ARHGEF9: variants seen among roughly 807,000 people sequenced by gnomAD.
ARHGEF9 encodes the protein Cdc42 guanine nucleotide exchange factor 9, also known as rho guanine nucleotide exchange factor 9.
Under a neutral mutation model 41.3 loss-of-function variants are expected in ARHGEF9, and 2 were observed. The observed-to-expected ratio is 0.05, with a 90% CI of 0.02 to 0.15. The LOEUF (loss-of-function observed/expected upper bound fraction) is 0.15, where lower values mean the gene tolerates loss of function less well. Among genes scored for constraint, ARHGEF9 ranks in the 10% least tolerant of loss-of-function variants. The probability of loss-of-function intolerance (pLI) is 1.00; values close to 1 mark genes in which losing one functional copy is unlikely to be tolerated. For synonymous variants in ARHGEF9, 160 were observed against 154.4 expected, an observed-to-expected ratio of 1.04 and a Z score of -0.27; for missense variants, 225 against 424.7, an observed-to-expected ratio of 0.53 and a Z score of 4.13.
intron 4 of ARHGEF9, among the ~76,000 whole-genome samples, chrX:63,682,512 CAA>C (rs1240825223): frequency 1.1e-5 from 1 of 87,862 alleles, no homozygotes. Flanking sequence ...GAGACTCTGT[CAA>C]AAAAAAAAAA....
At chrX:63,661,596 G>C (rs1556341668) in intron 7 of ARHGEF9, among the ~76,000 whole-genome samples, 1 of 112,212 alleles carries the variant, frequency 8.9e-6, no homozygotes, top group African/African-American at 3.2e-5. Context: ...AAAAAGAACA[G>C]AGTCTTATCT....
At chrX:63,755,312 A>G in intron 1 of ARHGEF9, 1 of 820,729 alleles carries the variant, frequency 1.2e-6, no homozygotes, top group Non-Finnish European at 1.5e-6. Context: ...AAGGCTCCCA[A>G]GCAAGCTCGC....
chrX:63,771,969 A>AGCCT (rs1556455141), intron 1 of ARHGEF9, among the ~76,000 whole-genome samples: 2 of 111,956 alleles, frequency 1.8e-5, no homozygotes, highest in African/African-American at 6.5e-5. Context: ...CTGGGTCTCC[A>AGCCT]GCCTGCCTAC....
intron 6 of ARHGEF9, chrX:63,671,124 CTGTT>C (rs1458026160): frequency 8.9e-6 from 1 of 112,647 alleles, no homozygotes; most frequent in Non-Finnish European, 1.9e-5. Context: ...GACAGCCACT[CTGTT>C]TGTTCAAACA....
intron 2 of ARHGEF9, among the ~76,000 whole-genome samples, chrX:63,714,488 G>C (rs1205216816): frequency 8.9e-6 from 1 of 111,944 alleles, no homozygotes; most frequent in Non-Finnish European, 1.9e-5. Context: ...TGGACTCTTA[G>C]GCCAAAATTA....
rs2047367719 is a variant in ARHGEF9, at chrX:63,637,563, A to G, written c.*465T>C. On this transcript the variant is annotated 3_prime_UTR_variant, in exon 10 of 10. Transcript: ENST00000671741. ...ACTCTACCACATCAAATAAAATTAA[A>G]AATTCATCAACATCAGTATCATCAG... The G allele has an allele frequency of 4.1e-6, 1 of 242,050 alleles. No homozygotes were observed. Among genetic ancestry groups the G allele is most frequent in the Non-Finnish European group, 7.3e-6 (1 of 137,132 alleles). The allele number at this position is 242,050 out of a possible 1,213,427, so 19.9% of individuals were successfully genotyped here.
intron 2 of ARHGEF9, among the ~76,000 whole-genome samples, chrX:63,714,962 G>T (rs782147980): frequency 8.9e-6 from 1 of 111,896 alleles, no homozygotes; most frequent in African/African-American, 3.2e-5. Context: ...GACTTACTTA[G>T]TCGAGGCTGG....
At chrX:63,720,940 C>T (rs1439296624) in intron 2 of ARHGEF9, among the ~76,000 whole-genome samples, 2 of 112,132 alleles carry the variant, frequency 1.8e-5, no homozygotes, top group African/African-American at 6.5e-5. Context: ...CTATATCCCA[C>T]TCTAATGATG....
chrX:63,748,350 G>GA (rs1388173105), intron 1 of ARHGEF9, among the ~76,000 whole-genome samples: 1 of 111,161 alleles, frequency 9.0e-6, no homozygotes, highest in Admixed American at 9.5e-5. Flanking sequence ...GTGACATGAA[G>GA]AAAAAAAATA....
chrX:63,755,098 G>A, intron 1 of ARHGEF9: 4 of 938,872 alleles, frequency 4.3e-6, no homozygotes, highest in Non-Finnish European at 4.0e-6. Context: ...CTGCCTTGCT[G>A]GCCCTATCCC....
chrX:63,707,638 T>A (rs2052641721), intron 2 of ARHGEF9, among the ~76,000 whole-genome samples: 4 of 111,133 alleles, frequency 3.6e-5, no homozygotes, highest in African/African-American at 1.3e-4. Context: ...ATATTTTCCC[T>A]CCTTAAACCC....
At chrX:63,705,040 G>A (rs1556399996) in intron 3 of ARHGEF9, among the ~76,000 whole-genome samples, 1 of 112,445 alleles carries the variant, frequency 8.9e-6, no homozygotes, top group African/African-American at 3.2e-5. Flanking sequence ...TTAATTAAAT[G>A]TAAATACAAT....
At chrX:63,721,671 G>T (rs2147606826) in intron 2 of ARHGEF9, among the ~76,000 whole-genome samples, 1 of 111,354 alleles carries the variant, frequency 9.0e-6, no homozygotes, top group African/African-American at 3.3e-5. Flanking sequence ...GCTACTTAGA[G>T]ACACAATCAT....
At chrX:63,758,704 C>A (rs2055976816) in intron 1 of ARHGEF9, among the ~76,000 whole-genome samples, 1 of 112,333 alleles carries the variant, frequency 8.9e-6, no homozygotes, top group Admixed American at 9.4e-5. Flanking sequence ...GAGGTGCCAC[C>A]ACCTCCAGAA....
chrX:63,708,760 T>C (rs2316294), intron 2 of ARHGEF9, among the ~76,000 whole-genome samples: 3,141 of 112,037 alleles, frequency 0.028, 110 homozygotes, highest in African/African-American at 0.097. Context: ...ATGCCAAGTG[T>C]GGATAATGTG....
chrX:63,648,513 C>A (rs2147178166), intron 8 of ARHGEF9, among the ~76,000 whole-genome samples: 1 of 111,471 alleles, frequency 9.0e-6, no homozygotes, highest in South Asian at 3.8e-4. Flanking sequence ...ATTGTAAAGA[C>A]CATCGAGGCT....
chrX:63,686,442 T>C (rs1316568679), intron 4 of ARHGEF9, among the ~76,000 whole-genome samples: 2 of 111,003 alleles, frequency 1.8e-5, no homozygotes, highest in Non-Finnish European at 3.8e-5. Flanking sequence ...CATTCAATGT[T>C]CAATAGCAGA....
intron 4 of ARHGEF9, among the ~76,000 whole-genome samples, chrX:63,681,263 A>T (rs781959657): frequency 8.9e-6 from 1 of 112,081 alleles, no homozygotes; most frequent in South Asian, 3.7e-4. Context: ...ACCACATGTT[A>T]CCAAAGCTGA....
At chrX:63,678,306 C>T in intron 5 of ARHGEF9, 34 bp downstream of exon 5, 1 of 1,102,047 alleles carries the variant, frequency 9.1e-7, no homozygotes. Flanking sequence ...AGAGGAAGTT[C>T]CCTCATTCAC....
Sources: allele counts gnomAD v4.1 joint callset (sites outside exome capture counted in the v4.1 genomes callset), GRCh38; gene constraint gnomAD v4.1.1; transcripts MANE v1.5; gene names NCBI Gene and HGNC (gene_info 2026-07-23, HGNC 2026-07-21).